Variants in IFT74 observed in about 807,000 individuals in gnomAD.
The protein encoded by IFT74 is intraflagellar transport protein 74 homolog.
IFT74 carries 92 observed loss-of-function variants against 96.7 expected under a neutral mutation model. The ratio of observed to expected loss-of-function variants is 0.95; its 90% CI spans 0.80 to 1.13. The LOEUF (loss-of-function observed/expected upper bound fraction) is 1.13, where lower values mean the gene tolerates loss of function less well. IFT74 is among the 50% of genes most tolerant of loss of function. IFT74 has a pLI of 0.00. For synonymous variants in IFT74, 223 were observed against 213.2 expected (o/e 1.05, Z -0.40); for missense variants, 811 against 698.2 (o/e 1.16, Z -1.82).
intron 10 of IFT74, 126 bp downstream of exon 10, chr9:27,012,094 T>G: frequency 1.8e-6 from 1 of 541,928 alleles, no homozygotes; most frequent in Non-Finnish European, 3.1e-6. Context: ...AGTTTAATAC[T>G]TTTTCTTCCT....
Position 27,053,481 on chromosome 9 carries a change from G to T in IFT74, c.1334-2128G>T, listed in dbSNP as rs112463571. Reference sequence around the variant, plus strand: ...ACTCCAGAGAGTAAACAAATGTGCTGATGACAGACTATCTTAGAAACACTT... The same window carrying T: ...ACTCCAGAGAGTAAACAAATGTGCTTATGACAGACTATCTTAGAAACACTT... On this transcript the variant is annotated intron_variant, in intron 16 of 19. Transcript: ENST00000380062. 5.6e-3 allele frequency among the ~76,000 whole-genome samples: 849 copies of T among 152,308 alleles called. 4 individuals carry two copies. Among genetic ancestry groups the T allele is most frequent in the African/African-American group, 0.02 (814 of 41,572 alleles).
At chr9:27,024,986 A>G (rs1829789710) in intron 12 of IFT74, among the ~76,000 whole-genome samples, 1 of 152,016 alleles carries the variant, frequency 6.6e-6, no homozygotes, top group Admixed American at 6.6e-5. Context: ...AAAAAAAAAA[A>G]AAGCACAAAG....
intron 16 of IFT74, among the ~76,000 whole-genome samples, chr9:27,053,111 C>G (rs1820006411): frequency 6.6e-6 from 1 of 151,314 alleles, no homozygotes. Flanking sequence ...GATCCGCCCG[C>G]CTCGGCCTCC....
At chr9:27,051,519 T>C (rs1819923267) in intron 16 of IFT74, among the ~76,000 whole-genome samples, 1 of 152,212 alleles carries the variant, frequency 6.6e-6, no homozygotes, top group African/African-American at 2.4e-5. Context: ...GTGCCACGAA[T>C]CTCTAGAACT....
chr9:27,010,224 C>G (rs535618036), intron 9 of IFT74, among the ~76,000 whole-genome samples: 4 of 151,708 alleles, frequency 2.6e-5, no homozygotes, highest in Non-Finnish European at 5.9e-5. Flanking sequence ...CGCCTGACCT[C>G]GTGATCCGCC....
chr9:26,957,184 A>G (rs1218736080), intron 1 of IFT74, among the ~76,000 whole-genome samples: 3 of 152,200 alleles, frequency 2.0e-5, no homozygotes, highest in Non-Finnish European at 4.4e-5. Context: ...AGTTAGTGGT[A>G]TATTTGTTGC....
intron 10 of IFT74, among the ~76,000 whole-genome samples, chr9:27,013,613 T>G (rs532690009): frequency 5.2e-5 from 8 of 152,386 alleles, no homozygotes; most frequent in Non-Finnish European, 7.3e-5. Context: ...AGGTAAAAAT[T>G]ACTACCTTAT....
chr9:27,020,721 G>T (rs1419276855), intron 12 of IFT74, among the ~76,000 whole-genome samples: 1 of 152,034 alleles, frequency 6.6e-6, no homozygotes, highest in Non-Finnish European at 1.5e-5. Flanking sequence ...TGATCTGCCC[G>T]CCTCGGCCTC....
At chr9:26,950,731 C>T (rs1204100651) in intron 1 of IFT74, among the ~76,000 whole-genome samples, 1 of 152,224 alleles carries the variant, frequency 6.6e-6, no homozygotes, top group Admixed American at 6.5e-5. Context: ...TCATGAATCA[C>T]TGTCTGCTCA....
Position 27,044,921 on chromosome 9 carries a change from G to A in IFT74, c.1108+126G>A, listed in dbSNP as rs1022251672. On this transcript the variant is annotated intron_variant, in intron 14 of 19. Transcript: ENST00000380062. ...AAATGCAGAAGTGTGGACATTCAAA[G>A]CATTTTGCCTTGAAGAATAGTTTCT... 7.5e-5 allele frequency: 42 copies of A among 560,508 alleles called. No homozygotes were observed. In the Admixed American group the frequency reaches 1.4e-3, roughly 19 times the overall value. 34.7% of individuals were successfully genotyped at this position (560,508 alleles called of 1,614,324 possible).
At chr9:26,947,866 G>A (rs551742929) in intron 1 of IFT74, among the ~76,000 whole-genome samples, 2 of 152,078 alleles carry the variant, frequency 1.3e-5, no homozygotes, top group Non-Finnish European at 2.9e-5. Flanking sequence ...TGATTCAGTA[G>A]GTCTGAGTTA....
intron 8 of IFT74, among the ~76,000 whole-genome samples, chr9:26,999,271 A>AT (rs1349417579): frequency 1.3e-5 from 2 of 152,240 alleles, no homozygotes; most frequent in Admixed American, 1.3e-4. Context: ...TTGCAGTTAG[A>AT]TTTTTTCACC....
At chr9:27,007,264 T>C (rs1457100931) in intron 8 of IFT74, among the ~76,000 whole-genome samples, 1 of 152,168 alleles carries the variant, frequency 6.6e-6, no homozygotes, top group Non-Finnish European at 1.5e-5. Context: ...GTCAGTTACT[T>C]TTCTTATGCT....
chr9:27,019,567 A>T (rs1478619643), intron 12 of IFT74, among the ~76,000 whole-genome samples: 1 of 151,518 alleles, frequency 6.6e-6, no homozygotes, highest in Non-Finnish European at 1.5e-5. Context: ...TTAATAAAAT[A>T]CTAAGCATGT....
chr9:26,948,758 T>C (rs1303058159), intron 1 of IFT74, among the ~76,000 whole-genome samples: 1 of 152,126 alleles, frequency 6.6e-6, no homozygotes, highest in African/African-American at 2.4e-5. Flanking sequence ...CCACCACGCC[T>C]GGCCGGCTTT....
At chr9:27,052,507 C>CG (rs1819972053) in intron 16 of IFT74, among the ~76,000 whole-genome samples, 1 of 57,204 alleles carries the variant, frequency 1.7e-5, no homozygotes, top group Admixed American at 2.0e-4. Context: ...AAATCTATCT[C>CG]AAAAAAAAAA....
intron 16 of IFT74, among the ~76,000 whole-genome samples, chr9:27,048,930 G>A (rs987484707): frequency 2.6e-5 from 4 of 152,216 alleles, no homozygotes; most frequent in Non-Finnish European, 5.9e-5. Context: ...GACCTCTAGT[G>A]TGGGAGGTGG....
chr9:27,056,593 C>A, intron 18 of IFT74, 134 bp downstream of exon 18: 1 of 680,986 alleles, frequency 1.5e-6, no homozygotes, highest in Non-Finnish European at 2.4e-6. Context: ...AGATTCTGTA[C>A]AGTCTTCATT....
At chr9:26,998,874 A>T (rs1036703246) in intron 8 of IFT74, among the ~76,000 whole-genome samples, 2 of 151,994 alleles carry the variant, frequency 1.3e-5, no homozygotes, top group Admixed American at 6.6e-5. Context: ...AGCACCTGTA[A>T]TCCCAGCTAC....
Sources: allele counts gnomAD v4.1 joint callset (sites outside exome capture counted in the v4.1 genomes callset), GRCh38; gene constraint gnomAD v4.1.1; transcripts MANE v1.5; gene names NCBI Gene and HGNC (gene_info 2026-07-23, HGNC 2026-07-21).